BRINP3: variants seen among roughly 807,000 people sequenced by gnomAD.
BRINP3 encodes the protein BMP/retinoic acid-inducible neural-specific protein 3.
A neutral mutation model predicts 71.0 loss-of-function variants in BRINP3; 19 were observed. That is an observed-to-expected ratio of 0.27 (90% CI 0.19 to 0.39). BRINP3 has a LOEUF of 0.39. Among genes scored for constraint, BRINP3 ranks in the 10% least tolerant of loss-of-function variants. The pLI is 1.00. For missense variants in BRINP3, 959 were observed against 940.8 expected (o/e 1.02, Z -0.25); for synonymous variants, 380 against 337.7 (o/e 1.13, Z -1.37).
intron 7 of BRINP3, among the ~76,000 whole-genome samples, chr1:190,150,363 T>C (rs1283371011): frequency 6.6e-6 from 1 of 152,122 alleles, no homozygotes; most frequent in Non-Finnish European, 1.5e-5. Context: ...TTATAGGGAC[T>C]ATTTTGTCCT....
intron 6 of BRINP3, among the ~76,000 whole-genome samples, chr1:190,193,074 T>C (rs1654187128): frequency 6.6e-6 from 1 of 152,116 alleles, no homozygotes; most frequent in Admixed American, 6.6e-5. Context: ...ATGTTCTTAT[T>C]GTTAATTTGA....
intron 2 of BRINP3, among the ~76,000 whole-genome samples, chr1:190,454,418 T>C (rs1675849432): frequency 6.6e-6 from 1 of 152,226 alleles, no homozygotes; most frequent in Non-Finnish European, 1.5e-5. Context: ...TAAGGCAGTG[T>C]AGCATGCTTA....
intron 4 of BRINP3, among the ~76,000 whole-genome samples, chr1:190,258,406 C>G (rs1660868364): frequency 6.6e-6 from 1 of 151,722 alleles, no homozygotes; most frequent in Non-Finnish European, 1.5e-5. Flanking sequence ...CAAATATTAA[C>G]TCATTGGAAA....
At chr1:190,472,435 A>G (rs1488680123) in intron 1 of BRINP3, among the ~76,000 whole-genome samples, 10 of 151,710 alleles carry the variant, frequency 6.6e-5, no homozygotes, top group Non-Finnish European at 3.0e-5. Flanking sequence ...TCTTTGGGAT[A>G]TTTTTCAAGA....
At chr1:190,365,806 G>GTGTATATATATA (rs913644308) in intron 2 of BRINP3, among the ~76,000 whole-genome samples, 1,611 of 127,786 alleles carry the variant, frequency 0.013, 25 homozygotes, top group East Asian at 0.029. Context: ...GAGAGCAAGT[G>GTGTATATATATA]TATATATATA....
chr1:190,386,141 TAGTGGTTGC>T (rs1301164076), intron 2 of BRINP3, among the ~76,000 whole-genome samples: 5 of 146,754 alleles, frequency 3.4e-5, no homozygotes, highest in Admixed American at 2.7e-4. Flanking sequence ...GATGACGAGT[TAGTGGTTGC>T]AGCGCACCAG....
At chr1:190,283,918 A>C (rs1254840719) in intron 2 of BRINP3, among the ~76,000 whole-genome samples, 6 of 151,828 alleles carry the variant, frequency 4.0e-5, no homozygotes, top group African/African-American at 1.4e-4. Context: ...TAAAGCTGTG[A>C]CATGTATTTT....
chr1:190,101,641 A>T (rs942652652), intron 7 of BRINP3, among the ~76,000 whole-genome samples: 2 of 151,688 alleles, frequency 1.3e-5, no homozygotes, highest in Admixed American at 6.6e-5. Context: ...ATTTATGTAT[A>T]TCTAATATAA....
intron 7 of BRINP3, among the ~76,000 whole-genome samples, chr1:190,143,249 A>G (rs1344870407): frequency 6.6e-6 from 1 of 152,164 alleles, no homozygotes; most frequent in African/African-American, 2.4e-5. Context: ...CCTCTACCAC[A>G]TGGAGACTGC....
intron 2 of BRINP3, among the ~76,000 whole-genome samples, chr1:190,452,273 C>T (rs1675663223): frequency 6.6e-6 from 1 of 152,136 alleles, no homozygotes. Context: ...TAGCAACTAT[C>T]AATAACCGTG....
intron 7 of BRINP3, among the ~76,000 whole-genome samples, chr1:190,144,052 C>A (rs1054859589): frequency 6.6e-6 from 1 of 152,106 alleles, no homozygotes. Flanking sequence ...AAAATCCTCC[C>A]TATTTGTTGT....
At chr1:190,326,850 G>A (rs966535359) in intron 2 of BRINP3, among the ~76,000 whole-genome samples, 1 of 151,850 alleles carries the variant, frequency 6.6e-6, no homozygotes, top group Non-Finnish European at 1.5e-5. Flanking sequence ...GCAAAAACAC[G>A]CTTAAGTACA....
intron 5 of BRINP3, among the ~76,000 whole-genome samples, chr1:190,230,555 A>G (rs1222074303): frequency 6.6e-6 from 1 of 151,922 alleles, no homozygotes; most frequent in African/African-American, 2.4e-5. Flanking sequence ...CTGCTTCTAT[A>G]TATGTACAAA....
chr1:190,118,673 A>G (rs1235919070), intron 7 of BRINP3, among the ~76,000 whole-genome samples: 1 of 152,190 alleles, frequency 6.6e-6, no homozygotes, highest in Non-Finnish European at 1.5e-5. Context: ...CTTCTGTGCT[A>G]CTTAAGACTG....
At chr1:190,369,057 C>T (rs1669690314) in intron 2 of BRINP3, among the ~76,000 whole-genome samples, 1 of 152,092 alleles carries the variant, frequency 6.6e-6, no homozygotes, top group Non-Finnish European at 1.5e-5. Flanking sequence ...TTGGGGATTA[C>T]AGGAACTACA....
chr1:190,164,139 G>A (rs1342423505), intron 6 of BRINP3, among the ~76,000 whole-genome samples: 1 of 152,030 alleles, frequency 6.6e-6, no homozygotes, highest in African/African-American at 2.4e-5. Flanking sequence ...TGGAATTTTT[G>A]CCCTTACTAA....
chr1:190,221,496 AAGAAG>A (rs1391666841), intron 6 of BRINP3, among the ~76,000 whole-genome samples: 1 of 143,840 alleles, frequency 7.0e-6, no homozygotes, highest in Non-Finnish European at 1.6e-5. Context: ...GAAAGACAGT[AAGAAG>A]AGAAGAAGAG....
At chr1:190,247,997 G>T (rs1320159081) in intron 4 of BRINP3, among the ~76,000 whole-genome samples, 1 of 151,820 alleles carries the variant, frequency 6.6e-6, no homozygotes, top group African/African-American at 2.4e-5. Context: ...TAAAACAAAA[G>T]TAGCTCAATC....
chr1:190,144,811 G>A (rs936499891), intron 7 of BRINP3, among the ~76,000 whole-genome samples: 14 of 152,066 alleles, frequency 9.2e-5, no homozygotes, highest in Admixed American at 8.5e-4. Flanking sequence ...TCCATGGGAA[G>A]CCACAGGGGC....
Sources: allele counts gnomAD v4.1 joint callset (sites outside exome capture counted in the v4.1 genomes callset), GRCh38; gene constraint gnomAD v4.1.1; transcripts MANE v1.5; gene names NCBI Gene and HGNC (gene_info 2026-07-23, HGNC 2026-07-21).